FGD5: variants seen among roughly 807,000 people sequenced by gnomAD.
The protein encoded by FGD5 is FYVE, RhoGEF and PH domain-containing protein 5.
A neutral mutation model predicts 133.4 loss-of-function variants in FGD5; 28 were observed. The ratio of observed to expected loss-of-function variants is 0.21; its 90% CI spans 0.16 to 0.29. The LOEUF (loss-of-function observed/expected upper bound fraction) is 0.29. Among genes scored for constraint, FGD5 ranks in the 10% least tolerant of loss-of-function variants. The probability of loss-of-function intolerance (pLI) is 1.00; values close to 1 mark genes in which losing one functional copy is unlikely to be tolerated. For synonymous variants in FGD5, 810 were observed against 776.5 expected, an observed-to-expected ratio of 1.04 and a Z score of -0.72; for missense variants, 1,858 against 1,895.2, an observed-to-expected ratio of 0.98 and a Z score of 0.36.
At chr3:14,860,133 G>A (rs1559483280) in intron 1 of FGD5, among the ~76,000 whole-genome samples, 2 of 152,194 alleles carry the variant, frequency 1.3e-5, no homozygotes, top group South Asian at 4.1e-4. Flanking sequence ...AATGACAGGA[G>A]TGGGACTGGC....
At position 14,922,131 on chromosome 3, in the gene FGD5, C is replaced by T; in HGVS notation, c.3669+114C>T. ...TGGACGTGTAGCTCCTGTCTTGGGG[C>T]ACTGGCTCCCCCCACACCCCTGCCA... On this transcript the variant is annotated intron_variant, in intron 14 of 19. Coordinates refer to ENST00000285046, the MANE Select transcript of FGD5 (RefSeq NM_152536.4). This position sits in a 1 kb window ranked among gnomAD's most constrained non-coding sequence, Gnocchi z 4.1. The T allele has an allele frequency of 8.4e-7, 1 of 1,192,012 alleles. No individual in the cohort carries two copies. The highest frequency in any genetic ancestry group is 1.4e-5 in the South Asian group (1 of 73,400). The allele number at this position is 1,192,012 out of a possible 1,614,324, so 73.8% of individuals were successfully genotyped here.
At chr3:14,907,761 C>T (rs9818644) in intron 10 of FGD5, 50 bp downstream of exon 10, 1,126,805 of 1,582,832 alleles carry the variant, frequency 0.71, 403,033 homozygotes, top group African/African-American at 0.76. Flanking sequence ...GGCGAGGCTC[C>T]GATAAGCCCC....
At chr3:14,825,767 G>T (rs2036587901) in intron 1 of FGD5, among the ~76,000 whole-genome samples, 2 of 152,032 alleles carry the variant, frequency 1.3e-5, no homozygotes, top group Non-Finnish European at 2.9e-5. Flanking sequence ...TTCCAGATAG[G>T]CTGTCTTATG....
chr3:14,832,856 G>A lies in FGD5; in HGVS notation c.2525+11260G>A, dbSNP rs577048868. On this transcript the variant is annotated intron_variant, in intron 1 of 19. Coordinates refer to ENST00000285046, the MANE Select transcript of FGD5 (RefSeq NM_152536.4). The stretch of plus-strand genomic sequence containing the variant: ...CATTTGCCTGGGTTCACATGGCCAG[G>A]GAATGATGAAAAACTGTAGAGAAAA... Among the ~76,000 whole-genome samples, 4 of 152,208 alleles carry A rather than the reference G, an allele frequency of 2.6e-5. No individual in the cohort carries two copies. In the South Asian group the frequency reaches 8.3e-4, roughly 32 times the overall value.
chr3:14,813,661 C>G (rs2036327496), intron 1 of FGD5, among the ~76,000 whole-genome samples: 2 of 152,088 alleles, frequency 1.3e-5, no homozygotes, highest in African/African-American at 4.8e-5. Flanking sequence ...CTGGTCCCGT[C>G]CCCTCACTCT....
chr3:14,833,257 T>C (rs2036752325), intron 1 of FGD5, among the ~76,000 whole-genome samples: 2 of 152,188 alleles, frequency 1.3e-5, no homozygotes, highest in African/African-American at 2.4e-5. Flanking sequence ...CGGGATGATG[T>C]GACTGGTCTC....
chr3:14,814,992 A>G (rs1480189085), upstream of FGD5, among the ~76,000 whole-genome samples: 1 of 152,070 alleles, frequency 6.6e-6, no homozygotes, highest in Non-Finnish European at 1.5e-5. Context: ...GCCTGGTCCA[A>G]GCCTCCATCA....
chr3:14,862,055 G>A (rs1038838360), intron 1 of FGD5, among the ~76,000 whole-genome samples: 3 of 152,114 alleles, frequency 2.0e-5, no homozygotes, highest in Admixed American at 2.0e-4. Flanking sequence ...TGGTTGGGAG[G>A]TATTTGAAGG....
rs778026373 is a variant in FGD5, at chr3:14,923,112, G to A, written c.3874G>A (p.Val1292Ile). The part of the protein sequence containing the change: ...LKYLKDRMAK[V>I]CDGCFGELKK... ...GTACCTGAAGGACAGGATGGCCAAG[G>A]TCTGCGACGGCTGCTTCGGGGAGCT... Residue 1292 changes from valine to isoleucine, a missense_variant, in exon 16 of 20, where the codon GTC (valine) becomes ATC (isoleucine). By Grantham distance (29) the Val-to-Ile change is conservative. This residue lies in a region of FGD5 where 1,824 missense variants were observed against 1,848.9 expected (regional missense o/e 0.99). Transcript: ENST00000285046. 2 of 1,613,894 alleles carry A rather than the reference G, an allele frequency of 1.2e-6. No individual in the cohort carries two copies. The highest frequency in any genetic ancestry group is 2.2e-5 in the South Asian group (2 of 91,072).
intron 4 of FGD5, among the ~76,000 whole-genome samples, chr3:14,884,292 A>T (rs1259971559): frequency 2.6e-5 from 4 of 152,138 alleles, no homozygotes; most frequent in African/African-American, 9.7e-5. Flanking sequence ...GCCTGTTCAG[A>T]AGCCAGTTTG....
At chr3:14,921,320 G>T (rs1395817535) in intron 13 of FGD5, 1 of 154,064 alleles carries the variant, frequency 6.5e-6, no homozygotes, top group African/African-American at 2.4e-5. Context: ...TGTGGTGTAG[G>T]CGCGGCATCT....
chr3:14,819,966 C>A lies in FGD5; in HGVS notation c.895C>A (p.His299Asn), dbSNP rs1239239899. 2 of 1,613,786 alleles carry A rather than the reference C, an allele frequency of 1.2e-6. No individual in the cohort carries two copies. The highest frequency in any genetic ancestry group is 1.3e-5 in the African/African-American group (1 of 74,906). The change falls in exon 1 of 20, where the codon CAC becomes AAC. Residue 299 changes from histidine (H) to asparagine (N), a missense_variant. Transcript: ENST00000285046. This position sits in a 1 kb window ranked among gnomAD's most constrained non-coding sequence, Gnocchi z 4.1. ...EQVDLSEPPD[H>N]EKKTNQEVAA... ...GGTTGACCTCAGTGAACCACCTGAC[C>A]ACGAGAAGAAAACCAACCAAGAAGT... is the stretch of plus-strand genomic sequence containing the variant.
chr3:14,925,126 AAAC>A (rs1553632483), intron 17 of FGD5, among the ~76,000 whole-genome samples: 3 of 127,550 alleles, frequency 2.4e-5, no homozygotes, highest in South Asian at 2.4e-4. Flanking sequence ...AAAAAAAAAA[AAAC>A]ACATACATGG....
intron 4 of FGD5, 23 bp downstream of exon 4, chr3:14,880,795 C>G: frequency 3.1e-6 from 5 of 1,611,986 alleles, no homozygotes; most frequent in Non-Finnish European, 4.2e-6. Flanking sequence ...TTTTAATTGT[C>G]CAAAACTAAT....
chr3:14,819,287 G>A lies in FGD5; in HGVS notation c.216G>A (p.Pro72=), dbSNP rs372948235. The A allele has an allele frequency of 9.8e-6, 15 of 1,530,082 alleles. No individual in the cohort carries two copies. Among genetic ancestry groups the A allele is most frequent in the Admixed American group, 2.0e-5 (1 of 49,236 alleles). 94.8% of individuals were successfully genotyped at this position (1,530,082 alleles called of 1,614,324 possible). A position where few individuals can be genotyped will look rare whatever the true frequency, so the allele number is the denominator to read the frequency against. Residue 72 remains proline (P), a synonymous_variant, in exon 1 of 20, where the codon CCG becomes CCA. Coordinates refer to ENST00000285046, the MANE Select transcript of FGD5 (RefSeq NM_152536.4). The surrounding 1 kb of genome is among the most constrained non-coding windows in gnomAD (Gnocchi z 4.1). ...ATTACATCGTGGTCCCCAGGGTTCC[G>A]CTGAGGGAGGATGAACCCAAGGACG... ...DEDYIVVPRV[P]LREDEPKDEG... is the part of the protein sequence containing the mutation.
intron 16 of FGD5, 102 bp downstream of exon 16, chr3:14,923,277 C>G: frequency 6.9e-7 from 1 of 1,458,194 alleles, no homozygotes; most frequent in South Asian, 1.3e-5. Context: ...AAACCGCTTT[C>G]CCTGGAGGGA....
intron 11 of FGD5, among the ~76,000 whole-genome samples, chr3:14,912,904 C>T (rs12630213): frequency 0.67 from 102,074 of 151,942 alleles, 34,552 homozygotes; most frequent in African/African-American, 0.75. Context: ...GGCATGGTGG[C>T]GTGTCCCTGT....
chr3:14,863,112 C>G lies in FGD5; in HGVS notation c.2526-1016C>G, dbSNP rs561105395. On this transcript the variant is annotated intron_variant, in intron 1 of 19. Transcript: ENST00000285046. The stretch of plus-strand genomic sequence containing the variant: ...AGGCAGTTCAGGAAGTGGCTGCTCC[C>G]TTCCGTCCTGCCATCCGTCAGTCAT... Among the ~76,000 whole-genome samples, 3 of 152,366 alleles carry G rather than the reference C, an allele frequency of 2.0e-5. No homozygotes were observed. The East Asian group carries it at 5.8e-4, about 29-fold the overall frequency.
At chr3:14,900,947 G>A in intron 8 of FGD5, 56 bp from the exon 9 acceptor site, 2 of 1,604,162 alleles carry the variant, frequency 1.2e-6, no homozygotes, top group East Asian at 2.2e-5. Flanking sequence ...ACTACAGTGG[G>A]GAAAATTGAT....
Sources: allele counts gnomAD v4.1 joint callset (sites outside exome capture counted in the v4.1 genomes callset), GRCh38; gene constraint gnomAD v4.1.1; regional missense constraint gnomAD v4.1.1; non-coding constraint Gnocchi (gnomAD v3.1); transcripts MANE v1.5; gene names NCBI Gene and HGNC (gene_info 2026-07-23, HGNC 2026-07-21).